The following CNTN5 variants were observed in gnomAD, a reference collection of about 807,000 sequenced individuals.
CNTN5 encodes contactin-5.
In CNTN5, 77 loss-of-function variants were observed where a neutral mutation model predicts 129.1. That is an observed-to-expected ratio of 0.60 (90% CI 0.50 to 0.72). CNTN5 has a LOEUF of 0.72. Among genes scored for constraint, CNTN5 ranks in the 30% least tolerant of loss-of-function variants. The pLI, the probability that CNTN5 is intolerant of heterozygous loss-of-function variation, is 0.00. For missense variants in CNTN5, 1,478 were observed against 1,328.8 expected (o/e 1.11, Z -1.75); for synonymous variants, 509 against 465.6 (o/e 1.09, Z -1.20).
At chr11:99,873,881 T>TA (rs902634982) in intron 6 of CNTN5, among the ~76,000 whole-genome samples, 2 of 151,880 alleles carry the variant, frequency 1.3e-5, no homozygotes, top group Non-Finnish European at 2.9e-5. Flanking sequence ...AATGCAGCCA[T>TA]AAAAAAAGAA....
chr11:99,653,681 T>G (rs1455404415), intron 3 of CNTN5, among the ~76,000 whole-genome samples: 2 of 152,010 alleles, frequency 1.3e-5, no homozygotes, highest in Non-Finnish European at 2.9e-5. Context: ...ACATGTAATA[T>G]ATGTGAATTT....
intron 9 of CNTN5, among the ~76,000 whole-genome samples, chr11:100,033,429 A>G (rs1565807447): frequency 6.6e-6 from 1 of 152,288 alleles, no homozygotes; most frequent in East Asian, 1.9e-4. Context: ...CATCTTTACA[A>G]GTATCTCACT....
chr11:99,939,160 C>T (rs1295761154), intron 7 of CNTN5, among the ~76,000 whole-genome samples: 1 of 152,060 alleles, frequency 6.6e-6, no homozygotes, highest in Non-Finnish European at 1.5e-5. Context: ...ATAATCTGAA[C>T]ATTTCTCTAA....
At chr11:99,463,259 A>C (rs920988820) in intron 2 of CNTN5, among the ~76,000 whole-genome samples, 1 of 151,094 alleles carries the variant, frequency 6.6e-6, no homozygotes, top group African/African-American at 2.4e-5. Flanking sequence ...TAACACGGTG[A>C]AACCCCATCT....
intron 1 of CNTN5, among the ~76,000 whole-genome samples, chr11:99,114,451 CCTT>C (rs777419151): frequency 1.3e-4 from 20 of 148,290 alleles, no homozygotes; most frequent in Non-Finnish European, 2.4e-4. Context: ...ATCCCATCCC[CCTT>C]CTTCTTTCCT....
At chr11:99,343,012 G>GA (rs1267872514) in intron 2 of CNTN5, among the ~76,000 whole-genome samples, 1 of 152,120 alleles carries the variant, frequency 6.6e-6, no homozygotes, top group Non-Finnish European at 1.5e-5. Flanking sequence ...TTGTAAAGTG[G>GA]AAAGGGAGCA....
At chr11:100,249,564 A>G (rs1446949837) in intron 16 of CNTN5, among the ~76,000 whole-genome samples, 1 of 152,226 alleles carries the variant, frequency 6.6e-6, no homozygotes, top group Non-Finnish European at 1.5e-5. Flanking sequence ...TTGACACTGA[A>G]TCATTATAAC....
chr11:99,372,830 T>G (rs1939908204), intron 2 of CNTN5, among the ~76,000 whole-genome samples: 1 of 152,244 alleles, frequency 6.6e-6, no homozygotes, highest in South Asian at 2.1e-4. Context: ...AGTTTTTATT[T>G]TGTTTTGTTT....
chr11:99,942,858 C>G (rs979867650), intron 7 of CNTN5, among the ~76,000 whole-genome samples: 9 of 151,972 alleles, frequency 5.9e-5, no homozygotes, highest in Admixed American at 2.0e-4. Flanking sequence ...GACATGAACT[C>G]ATTCTTTTTT....
At chr11:99,219,477 G>A (rs1216327049) in intron 1 of CNTN5, among the ~76,000 whole-genome samples, 2 of 151,690 alleles carry the variant, frequency 1.3e-5, no homozygotes, top group African/African-American at 4.8e-5. Context: ...GCAGAGCTGA[G>A]AACCATACAG....
chr11:100,107,986 AT>A (rs35920036), intron 13 of CNTN5, among the ~76,000 whole-genome samples: 40,818 of 142,352 alleles, frequency 0.29, 5,378 homozygotes, highest in South Asian at 0.38. Flanking sequence ...AGTGGGGATA[AT>A]TTTTTTTTTT....
chr11:100,040,724 A>G (rs1942327728), intron 9 of CNTN5, among the ~76,000 whole-genome samples: 1 of 152,122 alleles, frequency 6.6e-6, no homozygotes, highest in Non-Finnish European at 1.5e-5. Context: ...TTGATCTTGG[A>G]CTGCTGTGCT....
chr11:100,040,790 A>G (rs1039244406), intron 9 of CNTN5, among the ~76,000 whole-genome samples: 1 of 152,162 alleles, frequency 6.6e-6, no homozygotes, highest in African/African-American at 2.4e-5. Context: ...GCGGGATATA[A>G]TCTCCTGGTG....
chr11:99,758,939 C>T (rs750180576), intron 3 of CNTN5, among the ~76,000 whole-genome samples: 25 of 152,012 alleles, frequency 1.6e-4, no homozygotes, highest in Admixed American at 3.3e-4. Context: ...TATTTTGTTC[C>T]GTATTACCTG....
intron 1 of CNTN5, among the ~76,000 whole-genome samples, chr11:99,073,661 G>T (rs1251037243): frequency 6.6e-6 from 1 of 151,742 alleles, no homozygotes; most frequent in Admixed American, 6.6e-5. Context: ...TTGGTTTTCT[G>T]TTCATGTGTT....
chr11:100,322,585 T>A (rs990504751), intron 21 of CNTN5, among the ~76,000 whole-genome samples: 1 of 152,184 alleles, frequency 6.6e-6, no homozygotes, highest in Non-Finnish European at 1.5e-5. Context: ...CATTCTACCA[T>A]TGACATACAT....
At chr11:99,866,536 G>A (rs879721554) in intron 6 of CNTN5, among the ~76,000 whole-genome samples, 4 of 152,114 alleles carry the variant, frequency 2.6e-5, no homozygotes, top group Non-Finnish European at 5.9e-5. Flanking sequence ...TCAAAACTCA[G>A]GGTATCTGCT....
chr11:99,323,980 C>T (rs569913019), intron 1 of CNTN5, among the ~76,000 whole-genome samples: 1 of 152,086 alleles, frequency 6.6e-6, no homozygotes, highest in Non-Finnish European at 1.5e-5. Context: ...ATAGTTCCTT[C>T]TGTTCACAAT....
At chr11:99,158,839 TA>T in intron 1 of CNTN5, among the ~76,000 whole-genome samples, 1 of 152,240 alleles carries the variant, frequency 6.6e-6, no homozygotes, top group South Asian at 2.1e-4. Flanking sequence ...TCAACTTATA[TA>T]AAAATAATAA....
Sources: allele counts gnomAD v4.1 joint callset (sites outside exome capture counted in the v4.1 genomes callset), GRCh38; gene constraint gnomAD v4.1.1; transcripts MANE v1.5; gene names NCBI Gene and HGNC (gene_info 2026-07-23, HGNC 2026-07-21).